Variants in SSBP2 observed in about 807,000 individuals in gnomAD.
SSBP2 encodes single stranded DNA binding protein 2.
Under a neutral mutation model 61.8 loss-of-function variants are expected in SSBP2, and 17 were observed. The observed-to-expected ratio is 0.28, with a 90% CI of 0.19 to 0.41. SSBP2 has a LOEUF of 0.41. Among genes scored for constraint, SSBP2 ranks in the 10% least tolerant of loss-of-function variants. SSBP2 has a pLI of 1.00. For synonymous variants in SSBP2, 139 were observed against 141.3 expected (o/e 0.98, Z 0.12); for missense variants, 310 against 458.7 (o/e 0.68, Z 2.96).
chr5:81,571,686 G>A (rs909048925), intron 4 of SSBP2, among the ~76,000 whole-genome samples: 1 of 151,992 alleles, frequency 6.6e-6, no homozygotes, highest in Non-Finnish European at 1.5e-5. Context: ...TGAAAGATTC[G>A]CTTACCTTTT....
intron 1 of SSBP2, among the ~76,000 whole-genome samples, chr5:81,743,978 A>G (rs767459863): frequency 3.3e-5 from 5 of 152,188 alleles, no homozygotes; most frequent in Admixed American, 1.3e-4. Context: ...AACCTGATCA[A>G]TTAAGCTGTT....
At chr5:81,731,796 C>G (rs1483339407) in intron 1 of SSBP2, among the ~76,000 whole-genome samples, 2 of 151,024 alleles carry the variant, frequency 1.3e-5, no homozygotes, top group Non-Finnish European at 2.9e-5. Context: ...AAACCCCAAA[C>G]AGAATTGTCT....
At chr5:81,553,892 T>C (rs1772396072) in intron 4 of SSBP2, among the ~76,000 whole-genome samples, 1 of 152,090 alleles carries the variant, frequency 6.6e-6, no homozygotes, top group Non-Finnish European at 1.5e-5. Flanking sequence ...CCTCCTTCTC[T>C]CCTACCCTTT....
chr5:81,434,617 A>G (rs1762553268), intron 15 of SSBP2, among the ~76,000 whole-genome samples: 1 of 139,050 alleles, frequency 7.2e-6, no homozygotes, highest in African/African-American at 2.9e-5. Flanking sequence ...GGGCAACAAG[A>G]GCGAAACTCT....
intron 4 of SSBP2, among the ~76,000 whole-genome samples, chr5:81,558,348 C>A (rs909173936): frequency 6.6e-6 from 1 of 152,174 alleles, no homozygotes; most frequent in Admixed American, 6.5e-5. Flanking sequence ...AGTCCAAGAT[C>A]AAGGTGCTGG....
intron 1 of SSBP2, among the ~76,000 whole-genome samples, chr5:81,653,679 T>G (rs1324546724): frequency 2.6e-5 from 4 of 152,242 alleles, no homozygotes; most frequent in African/African-American, 7.2e-5. Context: ...GGTTTTGATT[T>G]GCATTTCTCT....
At chr5:81,462,926 A>T (rs1764641701) in intron 9 of SSBP2, among the ~76,000 whole-genome samples, 1 of 152,234 alleles carries the variant, frequency 6.6e-6, no homozygotes, top group East Asian at 1.9e-4. Flanking sequence ...TAAGATGCAT[A>T]AATAGAATAA....
chr5:81,431,393 C>T (rs527561993), intron 15 of SSBP2, among the ~76,000 whole-genome samples: 1 of 152,156 alleles, frequency 6.6e-6, no homozygotes, highest in Non-Finnish European at 1.5e-5. Context: ...ATTACATTCT[C>T]ACTTATCATT....
intron 4 of SSBP2, among the ~76,000 whole-genome samples, chr5:81,529,041 A>T (rs1029214157): frequency 6.6e-5 from 10 of 152,124 alleles, no homozygotes; most frequent in African/African-American, 2.4e-4. Flanking sequence ...ATTTTTTTCA[A>T]GCACTCTTTT....
At chr5:81,616,435 T>C (rs1294489752) in intron 3 of SSBP2, 29 of 151,382 alleles carry the variant, frequency 1.9e-4, no homozygotes, top group Non-Finnish European at 4.0e-4. Flanking sequence ...ATCCCACACC[T>C]GGCTCCGAGG....
intron 1 of SSBP2, among the ~76,000 whole-genome samples, chr5:81,682,960 T>G (rs1479171882): frequency 2.6e-5 from 4 of 151,934 alleles, no homozygotes; most frequent in Non-Finnish European, 5.9e-5. Context: ...TAACAAAATA[T>G]GTACAAGATC....
chr5:81,679,359 T>C (rs904642182), intron 1 of SSBP2, among the ~76,000 whole-genome samples: 2 of 152,216 alleles, frequency 1.3e-5, no homozygotes, highest in African/African-American at 4.8e-5. Flanking sequence ...CAAAGTAAAA[T>C]ATCAACAATG....
chr5:81,446,842 C>T (rs748967024), intron 12 of SSBP2, 26 bp downstream of exon 12: 2 of 1,590,790 alleles, frequency 1.3e-6, no homozygotes, highest in Admixed American at 1.8e-5. Flanking sequence ...AATCAAATGC[C>T]CATGTGGCTA....
intron 1 of SSBP2, among the ~76,000 whole-genome samples, chr5:81,749,779 G>A (rs1482223576): frequency 1.3e-5 from 2 of 152,194 alleles, no homozygotes; most frequent in Non-Finnish European, 2.9e-5. Context: ...AAACCGCTTT[G>A]CTTTGCAGTG....
intron 1 of SSBP2, among the ~76,000 whole-genome samples, chr5:81,704,957 T>A (rs1004031917): frequency 6.6e-6 from 1 of 152,126 alleles, no homozygotes; most frequent in Non-Finnish European, 1.5e-5. Context: ...ATATATCACA[T>A]TTCCAAATCT....
chr5:81,575,267 C>CA (rs1160395538), intron 4 of SSBP2, among the ~76,000 whole-genome samples: 2 of 151,062 alleles, frequency 1.3e-5, no homozygotes, highest in East Asian at 1.9e-4. Flanking sequence ...GACTTCGTCT[C>CA]AAAAAAACAA....
intron 4 of SSBP2, among the ~76,000 whole-genome samples, chr5:81,575,563 G>A (rs1252931454): frequency 6.6e-6 from 1 of 151,774 alleles, no homozygotes; most frequent in Non-Finnish European, 1.5e-5. Context: ...AGGATGGTAG[G>A]AAGAAAAAAT....
At chr5:81,724,500 C>G (rs1383705347) in intron 1 of SSBP2, among the ~76,000 whole-genome samples, 1 of 151,934 alleles carries the variant, frequency 6.6e-6, no homozygotes, top group African/African-American at 2.4e-5. Context: ...AAATAGACAA[C>G]TGATCAATGA....
intron 3 of SSBP2, among the ~76,000 whole-genome samples, chr5:81,633,499 C>T (rs1374441136): frequency 6.6e-6 from 1 of 152,046 alleles, no homozygotes; most frequent in Admixed American, 6.6e-5. Flanking sequence ...GGCTCATTTC[C>T]CTCCCCACTC....
Sources: gnomAD v4.1 joint callset for allele counts (sites outside exome capture counted in the v4.1 genomes callset) on GRCh38, gnomAD v4.1.1 for gene constraint, MANE v1.5 for transcripts, NCBI Gene and HGNC (gene_info 2026-07-23, HGNC 2026-07-21) for gene names.